Variants in TANGO6 observed in about 807,000 individuals in gnomAD.
TANGO6 encodes the protein transport and Golgi organization protein 6 homolog.
A neutral mutation model predicts 114.2 loss-of-function variants in TANGO6; 90 were observed. That is an observed-to-expected ratio of 0.79 (90% confidence interval 0.66 to 0.94). TANGO6 has a LOEUF of 0.94. Among genes scored for constraint, TANGO6 ranks in the 40% least tolerant of loss-of-function variants. The pLI is 0.00. For missense variants in TANGO6, 1,274 were observed against 1,315.3 expected (o/e 0.97, Z 0.49); for synonymous variants, 477 against 509.8 (o/e 0.94, Z 0.87).
At chr16:68,963,027 G>A (rs1356865011) in intron 14 of TANGO6, among the ~76,000 whole-genome samples, 1 of 149,782 alleles carries the variant, frequency 6.7e-6, no homozygotes, top group African/African-American at 2.5e-5. Context: ...CCGGGAGGCA[G>A]AGCTTGCAGT....
At chr16:68,847,169 C>T (rs1010305061) in intron 1 of TANGO6, among the ~76,000 whole-genome samples, 5 of 151,988 alleles carry the variant, frequency 3.3e-5, no homozygotes, top group African/African-American at 4.8e-5. Context: ...GGATTACAGG[C>T]GTGAGCCACC....
chr16:68,943,363 A>ATTTTTTTTTTTTTTTTTTTTTTTATT, intron 14 of TANGO6, among the ~76,000 whole-genome samples: 1 of 131,596 alleles, frequency 7.6e-6, no homozygotes, highest in Non-Finnish European at 1.6e-5. Flanking sequence ...GAATCTGAGA[A>ATTTTTTTTTTTTTTTTTTTTTTTATT]TTTTTTTTTT....
intron 14 of TANGO6, among the ~76,000 whole-genome samples, chr16:68,933,478 A>G (rs1963267534): frequency 6.6e-6 from 1 of 152,200 alleles, no homozygotes. Context: ...ATCATTTATT[A>G]TCACTCACGC....
At chr16:68,885,567 T>C (rs1962529112) in intron 7 of TANGO6, 1 of 152,298 alleles carries the variant, frequency 6.6e-6, no homozygotes, top group African/African-American at 2.4e-5. Context: ...CTTTTGTGAT[T>C]GGCTTCTTTC....
intron 15 of TANGO6, among the ~76,000 whole-genome samples, chr16:68,983,778 A>G (rs8051905): frequency 0.086 from 13,037 of 152,216 alleles, 643 homozygotes; most frequent in African/African-American, 0.12. Context: ...TCATGCCTGT[A>G]ATCCCAGCAC....
At chr16:68,878,450 A>G (rs1962404151) in intron 6 of TANGO6, among the ~76,000 whole-genome samples, 170 bp downstream of exon 6, 1 of 152,160 alleles carries the variant, frequency 6.6e-6, no homozygotes, top group Admixed American at 6.6e-5. Context: ...AGTATATTGA[A>G]CTACCCATAT....
chr16:68,879,202 C>T (rs1191043608), intron 6 of TANGO6, among the ~76,000 whole-genome samples: 1 of 152,112 alleles, frequency 6.6e-6, no homozygotes, highest in Non-Finnish European at 1.5e-5. Flanking sequence ...AACTCCTGGG[C>T]TCAAGCGATC....
At chr16:68,958,214 C>T (rs529631507) in intron 14 of TANGO6, among the ~76,000 whole-genome samples, 7 of 150,676 alleles carry the variant, frequency 4.6e-5, no homozygotes, top group Non-Finnish European at 8.9e-5. Context: ...GTGTATGAGC[C>T]GGGTGCAGTC....
chr16:68,860,619 T>C (rs1962079399), intron 2 of TANGO6, 95 bp downstream of exon 2: 3 of 1,459,252 alleles, frequency 2.1e-6, no homozygotes, highest in Non-Finnish European at 2.7e-6. Context: ...CAACTCTTAG[T>C]TCTTCAGAAC....
chr16:69,009,585 C>A (rs1426245180), intron 15 of TANGO6, among the ~76,000 whole-genome samples: 1 of 152,156 alleles, frequency 6.6e-6, no homozygotes, highest in African/African-American at 2.4e-5. Flanking sequence ...ACAGCAACAA[C>A]AACAAAAGCA....
chr16:68,843,952 G>A (rs1961764424), intron 1 of TANGO6, among the ~76,000 whole-genome samples: 1 of 152,198 alleles, frequency 6.6e-6, no homozygotes, highest in African/African-American at 2.4e-5. Context: ...TTGAGCATTT[G>A]CCTTGTGCTG....
At chr16:68,889,532 G>T (rs1962583069) in intron 7 of TANGO6, among the ~76,000 whole-genome samples, 1 of 152,120 alleles carries the variant, frequency 6.6e-6, no homozygotes, top group Non-Finnish European at 1.5e-5. Context: ...TGAAAAGTTA[G>T]TCTCTTTCTA....
chr16:68,992,805 A>G (rs578218510), intron 15 of TANGO6, among the ~76,000 whole-genome samples: 1 of 152,278 alleles, frequency 6.6e-6, no homozygotes, highest in South Asian at 2.1e-4. Context: ...ACGGTGGCTC[A>G]CACCTGTAAT....
At chr16:68,882,890 C>T (rs574464379) in intron 7 of TANGO6, among the ~76,000 whole-genome samples, 11 of 152,170 alleles carry the variant, frequency 7.2e-5, no homozygotes, top group Admixed American at 1.3e-4. Flanking sequence ...TTGTGGTACG[C>T]GCCTGTAGTC....
chr16:68,975,638 G>C (rs1298575361), intron 15 of TANGO6, among the ~76,000 whole-genome samples: 1 of 151,744 alleles, frequency 6.6e-6, no homozygotes, highest in Non-Finnish European at 1.5e-5. Flanking sequence ...GCTTACTGCA[G>C]CCTGAACCTC....
At chr16:69,002,642 C>A (rs1408646383) in intron 15 of TANGO6, among the ~76,000 whole-genome samples, 1 of 152,150 alleles carries the variant, frequency 6.6e-6, no homozygotes, top group African/African-American at 2.4e-5. Flanking sequence ...GTCAATTAAA[C>A]CTCTTTTCTT....
At position 68,905,261 on chromosome 16, in the gene TANGO6, C is replaced by T. The variant is rs148812097; in HGVS notation, c.1668-2182C>T. Reference sequence around the variant, plus strand: ...AAAATAAAATAAAATTGGGGCTGGGCGCAGTGGCTCACGCCTGTAATCACA... The same window carrying T: ...AAAATAAAATAAAATTGGGGCTGGGTGCAGTGGCTCACGCCTGTAATCACA... On this transcript the variant is annotated intron_variant, in intron 9 of 17. Transcript: ENST00000261778. Among the ~76,000 whole-genome samples, 621 of 150,936 alleles carry T rather than the reference C, an allele frequency of 4.1e-3. 5 individuals are homozygous for T. Among genetic ancestry groups the T allele is most frequent in the African/African-American group, 0.014 (589 of 41,054 alleles).
At chr16:68,920,698 G>C (rs1479703380) in intron 12 of TANGO6, among the ~76,000 whole-genome samples, 2 of 152,066 alleles carry the variant, frequency 1.3e-5, no homozygotes, top group Admixed American at 6.6e-5. Context: ...CCTTTCACTA[G>C]CCTGTCTAAA....
intron 14 of TANGO6, among the ~76,000 whole-genome samples, chr16:68,969,363 C>A (rs189707442): frequency 3.1e-4 from 47 of 152,252 alleles, no homozygotes; most frequent in African/African-American, 8.7e-4. Context: ...AACAAGCACA[C>A]AAAATCTCAT....
Sources: allele counts gnomAD v4.1 joint callset (sites outside exome capture counted in the v4.1 genomes callset), GRCh38; gene constraint gnomAD v4.1.1; transcripts MANE v1.5; gene names NCBI Gene and HGNC (gene_info 2026-07-23, HGNC 2026-07-21).